Variants in NF1 observed in about 807,000 individuals in gnomAD.
NF1 encodes the protein neurofibromin.
A neutral mutation model predicts 325.7 loss-of-function variants in NF1; 122 were observed. That is an observed-to-expected ratio of 0.37 (90% CI 0.32 to 0.44). The LOEUF is 0.44. Among genes scored for constraint, NF1 ranks in the 20% least tolerant of loss-of-function variants. The probability of loss-of-function intolerance (pLI) is 1.00; values close to 1 mark genes in which losing one functional copy is unlikely to be tolerated. For synonymous variants in NF1, 1,091 were observed against 1,186.0 expected (o/e 0.92, Z 1.65); for missense variants, 2,140 against 3,415.4 (o/e 0.63, Z 9.31).
At chr17:31,205,972 A>G (rs2066612058) in intron 11 of NF1, among the ~76,000 whole-genome samples, 1 of 152,058 alleles carries the variant, frequency 6.6e-6, no homozygotes, top group African/African-American at 2.4e-5. Flanking sequence ...TCACTGGCTA[A>G]TCATCGAGAA....
chr17:31,133,009 C>T (rs1401123651), intron 1 of NF1, among the ~76,000 whole-genome samples: 2 of 152,190 alleles, frequency 1.3e-5, no homozygotes, highest in East Asian at 1.9e-4. Context: ...ATAACATAAA[C>T]GTTACCATCT....
At chr17:31,169,627 C>T (rs2065899700) in intron 4 of NF1, among the ~76,000 whole-genome samples, 1 of 152,044 alleles carries the variant, frequency 6.6e-6, no homozygotes, top group Admixed American at 6.5e-5. Context: ...CTCATTGCAG[C>T]TTCAAACTTC....
rs553588272 is a variant in NF1, at chr17:31,216,048, C to G, written c.1527+1463C>G. 6.2e-4 allele frequency among the ~76,000 whole-genome samples: 95 copies of G among 152,250 alleles called. 3 individuals are homozygous for G. The South Asian group carries it at 0.018, about 30-fold the overall frequency. ...AGTTTGAAAGTCTAATTAGAATAAA[C>G]AGATCTTTGGCATGAAAAAATTCCA... On this transcript the variant is annotated intron_variant, in intron 13 of 57. Coordinates refer to ENST00000358273, the MANE Select transcript of NF1 (RefSeq NM_001042492.3).
chr17:31,237,656 C>CTTTTTTTTTT (rs34107657), intron 29 of NF1, among the ~76,000 whole-genome samples: 3 of 126,098 alleles, frequency 2.4e-5, no homozygotes, highest in Non-Finnish European at 5.0e-5. Context: ...CTCATGTCTA[C>CTTTTTTTTTT]TTTTTTTTTT....
intron 1 of NF1, among the ~76,000 whole-genome samples, chr17:31,117,263 G>C (rs1914009772): frequency 6.6e-6 from 1 of 152,096 alleles, no homozygotes; most frequent in Non-Finnish European, 1.5e-5. Flanking sequence ...TTATAGGTGT[G>C]AGCTACCGTG....
chr17:31,127,972 T>C (rs1915026118), intron 1 of NF1, among the ~76,000 whole-genome samples: 1 of 152,118 alleles, frequency 6.6e-6, no homozygotes, highest in Admixed American at 6.6e-5. Context: ...CTGTTTTGTT[T>C]TGTTTGGTTT....
intron 30 of NF1, chr17:31,250,073 C>T: frequency 2.1e-6 from 1 of 484,308 alleles, no homozygotes; most frequent in African/African-American, 2.0e-5. Flanking sequence ...AATTTTTTCA[C>T]CATTGCTATT....
At position 31,336,617 on chromosome 17, in the gene NF1, A is replaced by AAAT; in HGVS notation, c.6148-17_6148-16insATA. ...CCATGTTTTTTTTTTTAAAAAAAAA[A>AAAT]ATCCTGCTTCTTTACAGGTTATTGG... is the stretch of plus-strand genomic sequence containing the variant. On this transcript the variant is annotated splice_polypyrimidine_tract_variant and intron_variant, in intron 41 of 57. Transcript: ENST00000358273. The surrounding 1 kb of genome is among the most constrained non-coding windows in gnomAD (Gnocchi z 5.5). The AAAT allele has an allele frequency of 6.3e-7, 1 of 1,578,486 alleles. No individual in the cohort carries two copies. Among genetic ancestry groups the AAAT allele is most frequent in the East Asian group, 2.3e-5 (1 of 44,178 alleles).
chr17:31,245,964 CCACCAGT>C (rs2067382968), intron 29 of NF1, among the ~76,000 whole-genome samples: 1 of 152,106 alleles, frequency 6.6e-6, no homozygotes, highest in Non-Finnish European at 1.5e-5. Flanking sequence ...GACCTCCCAG[CCACCAGT>C]CATCTCATTA....
chr17:31,284,978 G>A (rs1030608096), intron 36 of NF1, among the ~76,000 whole-genome samples: 1 of 152,052 alleles, frequency 6.6e-6, no homozygotes, highest in Admixed American at 6.6e-5. Flanking sequence ...AAATTAGCCG[G>A]GCATGCTTTG....
intron 46 of NF1, 42 bp from the exon 47 acceptor site, chr17:31,340,463 C>G (rs2069787356): frequency 6.2e-7 from 1 of 1,613,554 alleles, no homozygotes; most frequent in Non-Finnish European, 8.5e-7. Flanking sequence ...GAGACTATGT[C>G]ATGATTCATC....
chr17:31,220,048 CTT>C (rs1370094578), intron 14 of NF1, among the ~76,000 whole-genome samples: 5 of 152,110 alleles, frequency 3.3e-5, no homozygotes. Flanking sequence ...GGACATATCT[CTT>C]AAGTATATAG....
At chr17:31,149,230 G>A (rs1197314569) in intron 1 of NF1, among the ~76,000 whole-genome samples, 5 of 151,408 alleles carry the variant, frequency 3.3e-5, no homozygotes, top group African/African-American at 1.2e-4. Flanking sequence ...CTGTGTTCAT[G>A]TTATTTGCTC....
In NF1 at chr17:31,358,636, T is replaced by C; in HGVS notation, c.8113+14T>C. ...CTTACCTGCAAAGTAAATAAATGTA[T>C]CTGGAGAAGGATGGTTGATGAACTT... On this transcript the variant is annotated intron_variant, in intron 55 of 57. Coordinates refer to ENST00000358273, the MANE Select transcript of NF1 (RefSeq NM_001042492.3). 6.2e-7 allele frequency: 1 copy of C among 1,613,950 alleles called. No individual in the cohort carries two copies. The highest frequency in any genetic ancestry group is 1.7e-5 in the Admixed American group (1 of 60,020).
intron 57 of NF1, chr17:31,361,081 C>CAAAAAAAAAAAAAAAAA (rs60249232): frequency 7.5e-4 from 35 of 46,558 alleles, no homozygotes; most frequent in East Asian, 8.4e-4. Context: ...CATACTATAT[C>CAAAAAAAAAAAAAAAAA]AAAAAAAAAA....
intron 4 of NF1, among the ~76,000 whole-genome samples, chr17:31,168,490 A>G (rs930572239): frequency 6.6e-6 from 1 of 152,100 alleles, no homozygotes; most frequent in African/African-American, 2.4e-5. Context: ...GAATTGGTTG[A>G]TATTTCTCCT....
chr17:31,110,740 A>G (rs556229080), intron 1 of NF1, among the ~76,000 whole-genome samples: 1 of 152,304 alleles, frequency 6.6e-6, no homozygotes. Flanking sequence ...AAATTTTCAT[A>G]GAGAATTGGA....
At chr17:31,356,664 C>T in intron 52 of NF1, 82 bp downstream of exon 52, 1 of 1,573,212 alleles carries the variant, frequency 6.4e-7, no homozygotes, top group Non-Finnish European at 8.7e-7. Flanking sequence ...CCAGCCATTT[C>T]TTAGAATCTT....
At chr17:31,338,218 C>A (rs904639478) in intron 45 of NF1, 79 bp downstream of exon 45, 1 of 1,053,514 alleles carries the variant, frequency 9.5e-7, no homozygotes, top group Non-Finnish European at 1.5e-6. Context: ...TTCTAAAAGA[C>A]GTTTAAATTT....
Sources: allele counts gnomAD v4.1 joint callset (sites outside exome capture counted in the v4.1 genomes callset), GRCh38; gene constraint gnomAD v4.1.1; non-coding constraint Gnocchi (gnomAD v3.1); transcripts MANE v1.5; gene names NCBI Gene and HGNC (gene_info 2026-07-23, HGNC 2026-07-21).